The following EPB41L4A variants were observed in gnomAD, a reference collection of about 807,000 sequenced individuals.
EPB41L4A encodes the protein erythrocyte membrane protein band 4.1 like 4A, also known as band 4.1-like protein 4A.
EPB41L4A carries 100 observed loss-of-function variants against 108.6 expected under a neutral mutation model. That is an observed-to-expected ratio of 0.92 (90% CI 0.78 to 1.09). The LOEUF (loss-of-function observed/expected upper bound fraction) is 1.09. Ranked by LOEUF, EPB41L4A falls within the 50% of genes least tolerant of loss-of-function variation. EPB41L4A has a pLI of 0.00. For missense variants in EPB41L4A, 1,030 were observed against 842.7 expected (o/e 1.22, Z -2.75); for synonymous variants, 319 against 289.0 (o/e 1.10, Z -1.05).
intron 1 of EPB41L4A, among the ~76,000 whole-genome samples, chr5:112,324,294 A>G (rs986912336): frequency 2.0e-5 from 3 of 152,230 alleles, no homozygotes; most frequent in Admixed American, 1.3e-4. Context: ...ATTTTAAATT[A>G]CAGCTGTTCT....
In EPB41L4A at chr5:112,264,959, C is replaced by T. The variant is rs774241393; in HGVS notation, c.491G>A (p.Arg164Gln). 42 of 1,611,474 alleles carry T rather than the reference C, an allele frequency of 2.6e-5. No individual in the cohort carries two copies. The highest frequency in any genetic ancestry group is 6.6e-5 in the South Asian group (6 of 90,772). ...KHTAGYVSEYRFVPDQKEELE... is the reference protein window; with the variant it reads ...KHTAGYVSEYQFVPDQKEELE... The stretch of plus-strand genomic sequence containing the variant: ...TTCTTCCTTCTGATCAGGAACAAAC[C>T]GGTACTCAGATACATATCCTGCAGT... The change falls in exon 6 of 23, where the codon CGG (arginine) becomes CAG (glutamine). Residue 164 changes from arginine (R) to glutamine (Q), a missense_variant. Transcript: ENST00000261486.
chr5:112,261,140 A>T (rs1751459741), intron 7 of EPB41L4A, among the ~76,000 whole-genome samples: 1 of 152,246 alleles, frequency 6.6e-6, no homozygotes. Context: ...CAGTATTCTT[A>T]AAGGACAGTG....
At chr5:112,353,158 G>A (rs1436038130) in intron 1 of EPB41L4A, among the ~76,000 whole-genome samples, 2 of 152,192 alleles carry the variant, frequency 1.3e-5, no homozygotes, top group Admixed American at 6.5e-5. Context: ...GTAAGGCCTT[G>A]CTGGGGACAA....
At chr5:112,142,167 G>A (rs1759093862), downstream of EPB41L4A, among the ~76,000 whole-genome samples, 2 of 152,162 alleles carry the variant, frequency 1.3e-5, no homozygotes, top group African/African-American at 4.8e-5. Flanking sequence ...TAGGTTCTAA[G>A]ACTCCTCAAC....
At chr5:112,159,901 CTT>C (rs540095907), downstream of EPB41L4A, among the ~76,000 whole-genome samples, 25,339 of 129,792 alleles carry the variant, frequency 0.2, 2,481 homozygotes, top group African/African-American at 0.36. Context: ...TTTCTTTTTA[CTT>C]TTTTTTTTTT....
intron 1 of EPB41L4A, chr5:112,392,611 A>G (rs941279718): frequency 1.3e-5 from 2 of 152,164 alleles, no homozygotes; most frequent in Non-Finnish European, 2.9e-5. Flanking sequence ...AGACCTATAA[A>G]GAGACTTAGA....
chr5:112,390,318 C>T (rs1475960903), intron 1 of EPB41L4A, among the ~76,000 whole-genome samples: 2 of 152,182 alleles, frequency 1.3e-5, no homozygotes, highest in Non-Finnish European at 2.9e-5. Flanking sequence ...CAGACTGTAC[C>T]TGGAAAATGA....
At chr5:112,345,791 A>T (rs1343789688) in intron 1 of EPB41L4A, among the ~76,000 whole-genome samples, 29 of 88,528 alleles carry the variant, frequency 3.3e-4, no homozygotes, top group Middle Eastern at 0.01. Flanking sequence ...ACACACACAC[A>T]CACACACACA....
intron 1 of EPB41L4A, among the ~76,000 whole-genome samples, chr5:112,367,839 A>T (rs1759232065): frequency 6.7e-6 from 1 of 148,654 alleles, no homozygotes; most frequent in Non-Finnish European, 1.5e-5. Context: ...GAACAAACTG[A>T]ACTCAGTACC....
In EPB41L4A at chr5:112,262,502, G is replaced by GA. The variant is rs1220947771; in HGVS notation, c.633dup (p.Pro212SerfsTer9). ...AATTAAATGTTACTCACATAGACGG[G>GA]ATGGAGGTCAACGCCATACATCTCC... On this transcript the variant is annotated frameshift_variant, in exon 7 of 23. Coordinates refer to ENST00000261486, the MANE Select transcript of EPB41L4A (RefSeq NM_022140.5). LOFTEE classifies it high-confidence loss of function. The GA allele has an allele frequency of 9.9e-6, 16 of 1,613,312 alleles. No individual in the cohort carries two copies. In the Admixed American group the frequency reaches 2.7e-4, roughly 27 times the overall value.
chr5:112,240,437 G>A (rs1749687437), intron 10 of EPB41L4A, among the ~76,000 whole-genome samples: 1 of 152,166 alleles, frequency 6.6e-6, no homozygotes, highest in Non-Finnish European at 1.5e-5. Context: ...TGCTAGCAAT[G>A]GCTGCATGTT....
chr5:112,283,793 T>A (rs188648099), intron 2 of EPB41L4A, among the ~76,000 whole-genome samples: 6 of 152,124 alleles, frequency 3.9e-5, no homozygotes, highest in African/African-American at 1.2e-4. Flanking sequence ...CACACAGCCA[T>A]GTAATTACAA....
chr5:112,235,244 G>A (rs1749247760), intron 11 of EPB41L4A, among the ~76,000 whole-genome samples: 1 of 152,180 alleles, frequency 6.6e-6, no homozygotes, highest in Non-Finnish European at 1.5e-5. Flanking sequence ...GCCTGGGCCA[G>A]ATCAAGTGTC....
chr5:112,339,502 A>C (rs7442900), intron 1 of EPB41L4A, among the ~76,000 whole-genome samples: 53,751 of 102,230 alleles, frequency 0.53, 11,833 homozygotes, highest in South Asian at 0.7. Flanking sequence ...ATATCTATAT[A>C]TATATATAGA....
chr5:112,247,798 C>T (rs1490253396), intron 9 of EPB41L4A, among the ~76,000 whole-genome samples: 1 of 152,164 alleles, frequency 6.6e-6, no homozygotes, highest in African/African-American at 2.4e-5. Context: ...CTCTAAATCT[C>T]AAACTTTTCT....
chr5:112,304,791 T>C (rs1754582350), intron 2 of EPB41L4A, among the ~76,000 whole-genome samples: 1 of 152,198 alleles, frequency 6.6e-6, no homozygotes, highest in Non-Finnish European at 1.5e-5. Flanking sequence ...TAGTCCTATA[T>C]CAATCCTGAC....
At chr5:112,318,314 T>G (rs1479054453) in intron 1 of EPB41L4A, among the ~76,000 whole-genome samples, 1 of 152,204 alleles carries the variant, frequency 6.6e-6, no homozygotes, top group African/African-American at 2.4e-5. Context: ...ATGGCATTCT[T>G]TGGCAACAGA....
intron 1 of EPB41L4A, among the ~76,000 whole-genome samples, chr5:112,350,468 T>C (rs781068091): frequency 4.6e-5 from 7 of 152,242 alleles, no homozygotes; most frequent in African/African-American, 1.4e-4. Context: ...GGATTTATCA[T>C]TTCTGTTCTG....
At chr5:112,223,611 A>C (rs368203028) in intron 12 of EPB41L4A, among the ~76,000 whole-genome samples, 8 of 152,348 alleles carry the variant, frequency 5.3e-5, no homozygotes, top group African/African-American at 1.7e-4. Flanking sequence ...CCAATGCATT[A>C]GTAAAATCAA....
Sources: gnomAD v4.1 joint callset for allele counts (sites outside exome capture counted in the v4.1 genomes callset) on GRCh38, gnomAD v4.1.1 for gene constraint, MANE v1.5 for transcripts, NCBI Gene and HGNC (gene_info 2026-07-23, HGNC 2026-07-21) for gene names.